SLC24A2: variants seen among roughly 807,000 people sequenced by gnomAD.
SLC24A2 encodes solute carrier family 24 member 2.
In SLC24A2, 36 loss-of-function variants were observed where a neutral mutation model predicts 62.0. The ratio of observed to expected loss-of-function variants is 0.58; its 90% CI spans 0.44 to 0.77. The LOEUF (loss-of-function observed/expected upper bound fraction) is 0.77, where lower values mean the gene tolerates loss of function less well. SLC24A2 is among the 30% of genes least tolerant of loss of function. The probability of loss-of-function intolerance (pLI) is 0.00; values close to 1 mark genes in which losing one functional copy is unlikely to be tolerated. For missense variants in SLC24A2, 846 were observed against 817.9 expected (o/e 1.03, Z -0.42); for synonymous variants, 358 against 294.0 (o/e 1.22, Z -2.23).
At chr9:19,799,086 A>G in the SLC24A2 span, among the ~76,000 whole-genome samples, 1 of 151,746 alleles carries the variant, frequency 6.6e-6, no homozygotes, top group Non-Finnish European at 1.5e-5. Context: ...GTTTTATTCT[A>G]CTTCTTGCTG....
chr9:20,257,229 A>G, the SLC24A2 span, among the ~76,000 whole-genome samples: 7 of 152,220 alleles, frequency 4.6e-5, no homozygotes, highest in African/African-American at 1.7e-4. Flanking sequence ...CCCAATTGCA[A>G]TTAGTGATAA....
the SLC24A2 span, among the ~76,000 whole-genome samples, chr9:19,948,230 A>T: frequency 1.3e-5 from 2 of 152,212 alleles, no homozygotes; most frequent in African/African-American, 4.8e-5. Context: ...TGCTGGAAGG[A>T]TAAGTGTATT....
chr9:20,091,479 C>T, the SLC24A2 span, among the ~76,000 whole-genome samples: 2 of 151,962 alleles, frequency 1.3e-5, no homozygotes, highest in African/African-American at 4.8e-5. Context: ...TAAAGGAAAC[C>T]CCATCAGGCT....
the SLC24A2 span, among the ~76,000 whole-genome samples, chr9:20,126,427 G>A: frequency 6.6e-6 from 1 of 151,258 alleles, no homozygotes; most frequent in African/African-American, 2.4e-5. Context: ...TAAGCTTCCT[G>A]CTTCCACTAG....
At chr9:20,289,957 T>G in the SLC24A2 span, among the ~76,000 whole-genome samples, 1 of 152,100 alleles carries the variant, frequency 6.6e-6, no homozygotes, top group Non-Finnish European at 1.5e-5. Context: ...ACACACACAT[T>G]GTAGCATCAC....
the SLC24A2 span, among the ~76,000 whole-genome samples, chr9:19,921,289 C>G: frequency 6.6e-6 from 1 of 151,948 alleles, no homozygotes; most frequent in African/African-American, 2.4e-5. Flanking sequence ...TTTGGGAGGC[C>G]GAGGTGGGCG....
At chr9:20,218,363 C>T in the SLC24A2 span, among the ~76,000 whole-genome samples, 1 of 152,156 alleles carries the variant, frequency 6.6e-6, no homozygotes, top group Non-Finnish European at 1.5e-5. Flanking sequence ...TTCTAGCCTA[C>T]AATCCTTTGG....
intron 4 of SLC24A2, among the ~76,000 whole-genome samples, chr9:19,605,083 C>T (rs1283804669): frequency 6.6e-6 from 1 of 152,128 alleles, no homozygotes; most frequent in East Asian, 1.9e-4. Context: ...AGATATCTTT[C>T]CCAAATAGTT....
chr9:20,205,319 A>C, the SLC24A2 span, among the ~76,000 whole-genome samples: 2 of 152,136 alleles, frequency 1.3e-5, no homozygotes, highest in African/African-American at 4.8e-5. Flanking sequence ...CTTTTCATGG[A>C]ATGCCATCTT....
At chr9:19,824,729 A>T in the SLC24A2 span, among the ~76,000 whole-genome samples, 9 of 152,214 alleles carry the variant, frequency 5.9e-5, no homozygotes, top group African/African-American at 2.2e-4. Flanking sequence ...GTGTATATTT[A>T]TTGTGGCACT....
chr9:19,974,348 C>T, the SLC24A2 span, among the ~76,000 whole-genome samples: 5 of 152,088 alleles, frequency 3.3e-5, no homozygotes, highest in African/African-American at 1.2e-4. Context: ...AATAAAATAT[C>T]TATGATAGAC....
the SLC24A2 span, among the ~76,000 whole-genome samples, chr9:19,862,088 C>T: frequency 6.6e-6 from 1 of 152,044 alleles, no homozygotes; most frequent in African/African-American, 2.4e-5. Flanking sequence ...TATCCAAGTA[C>T]AGGAAGGCAA....
the SLC24A2 span, among the ~76,000 whole-genome samples, chr9:20,279,788 C>A: frequency 6.6e-6 from 1 of 152,266 alleles, no homozygotes; most frequent in East Asian, 1.9e-4. Flanking sequence ...ATCATTTCAC[C>A]TCCACCATTA....
chr9:19,698,248 T>G (rs1334335756), intron 2 of SLC24A2, among the ~76,000 whole-genome samples: 1 of 152,126 alleles, frequency 6.6e-6, no homozygotes, highest in Non-Finnish European at 1.5e-5. Context: ...TCAGTCAAAT[T>G]GCAGCCAAAA....
the SLC24A2 span, among the ~76,000 whole-genome samples, chr9:20,256,921 TACACACACACAC>T: frequency 1.7e-5 from 2 of 119,882 alleles, no homozygotes; most frequent in South Asian, 2.3e-4. Flanking sequence ...CTCCAGCATG[TACACACACACAC>T]ACACACACAC....
At chr9:20,284,325 T>C in the SLC24A2 span, among the ~76,000 whole-genome samples, 1 of 152,050 alleles carries the variant, frequency 6.6e-6, no homozygotes, top group Non-Finnish European at 1.5e-5. Context: ...TTGCCTAGAC[T>C]GGAGTGCAGT....
intron 2 of SLC24A2, among the ~76,000 whole-genome samples, chr9:19,774,432 T>C (rs1298804876): frequency 1.3e-5 from 2 of 152,168 alleles, no homozygotes. Flanking sequence ...CCTTTAGCCA[T>C]CATCGGCCGT....
chr9:19,525,606 G>A (rs1255251966), intron 9 of SLC24A2, among the ~76,000 whole-genome samples: 1 of 151,060 alleles, frequency 6.6e-6, no homozygotes, highest in East Asian at 1.9e-4. Context: ...GTTTTGCCAT[G>A]TTGCCCAGGC....
chr9:19,989,286 C>T, the SLC24A2 span, among the ~76,000 whole-genome samples: 2 of 152,054 alleles, frequency 1.3e-5, no homozygotes, highest in Non-Finnish European at 2.9e-5. Flanking sequence ...GTCTCTTAGT[C>T]TCTATAAGCT....
Sources: gnomAD v4.1 joint callset for allele counts (sites outside exome capture counted in the v4.1 genomes callset) on GRCh38, gnomAD v4.1.1 for gene constraint, MANE v1.5 for transcripts, NCBI Gene and HGNC (gene_info 2026-07-23, HGNC 2026-07-21) for gene names.